The following MTUS2 variants were observed in gnomAD, a reference collection of about 807,000 sequenced individuals.
MTUS2 encodes the protein microtubule-associated tumor suppressor candidate 2.
MTUS2 carries 40 observed loss-of-function variants against 114.1 expected under a neutral mutation model. The ratio of observed to expected loss-of-function variants is 0.35; its 90% CI spans 0.27 to 0.46. MTUS2 has a LOEUF of 0.46. Among genes scored for constraint, MTUS2 ranks in the 20% least tolerant of loss-of-function variants. MTUS2 has a pLI of 1.00. For synonymous variants in MTUS2, 688 were observed against 672.0 expected (o/e 1.02, Z -0.37); for missense variants, 1,679 against 1,705.4 (o/e 0.98, Z 0.27).
intron 2 of MTUS2, among the ~76,000 whole-genome samples, chr13:28,952,533 T>G (rs921923184): frequency 3.9e-5 from 6 of 152,216 alleles, no homozygotes; most frequent in Non-Finnish European, 8.8e-5. Context: ...TCGTTTTCCC[T>G]TACTTTCTCT....
chr13:29,344,777 G>A (rs1868504590), intron 7 of MTUS2, among the ~76,000 whole-genome samples: 1 of 152,066 alleles, frequency 6.6e-6, no homozygotes, highest in African/African-American at 2.4e-5. Context: ...ATGCTTTAAG[G>A]TGGTTCTATT....
chr13:29,495,914 A>G (rs9551689), intron 12 of MTUS2, among the ~76,000 whole-genome samples: 180 of 148,420 alleles, frequency 1.2e-3, no homozygotes, highest in Non-Finnish European at 2.1e-3. Flanking sequence ...CTCTCTTTAT[A>G]TGTGTGTGTG....
At chr13:29,023,025 A>C (rs991654152) in intron 2 of MTUS2, among the ~76,000 whole-genome samples, 3 of 152,228 alleles carry the variant, frequency 2.0e-5, no homozygotes, top group Non-Finnish European at 4.4e-5. Flanking sequence ...AAGTGAAAAT[A>C]CAGGATACTA....
At chr13:28,932,247 C>T (rs536044774) in intron 2 of MTUS2, among the ~76,000 whole-genome samples, 1 of 152,232 alleles carries the variant, frequency 6.6e-6, no homozygotes, top group South Asian at 2.1e-4. Context: ...TAGTTAAATA[C>T]CTTATGACCC....
chr13:29,429,386 G>A (rs1401334078), intron 8 of MTUS2, among the ~76,000 whole-genome samples: 1 of 152,202 alleles, frequency 6.6e-6, no homozygotes, highest in East Asian at 1.9e-4. Context: ...AAAGCACACA[G>A]TATAGTTGTT....
At chr13:29,287,616 A>G (rs1428144238) in intron 6 of MTUS2, among the ~76,000 whole-genome samples, 7 of 152,158 alleles carry the variant, frequency 4.6e-5, no homozygotes, top group Non-Finnish European at 7.3e-5. Context: ...CCTTCTTATG[A>G]TGAGCTATCC....
chr13:29,202,916 G>A (rs1392980700), intron 5 of MTUS2, among the ~76,000 whole-genome samples: 1 of 152,148 alleles, frequency 6.6e-6, no homozygotes, highest in South Asian at 2.1e-4. Context: ...GATGCCAGCC[G>A]GAGCTCTCCT....
At position 29,457,670 on chromosome 13, in the gene MTUS2, G is replaced by T. The variant is rs991837707; in HGVS notation, c.3184+17621G>T. Among the ~76,000 whole-genome samples the T allele has an allele frequency of 7.0e-4, 106 of 152,128 alleles. 1 individual carries two copies. The highest frequency in any genetic ancestry group is 2.4e-3 in the African/African-American group (100 of 41,498). On this transcript the variant is annotated intron_variant, in intron 9 of 15. Coordinates refer to ENST00000612955, the MANE Select transcript of MTUS2 (RefSeq NM_001033602.4). ...TCTCTCAGGTAAATCCCTACATATAGAATTGCTGGTCATAGGTTAGATGTG... is the reference window on the plus strand; with the variant it reads ...TCTCTCAGGTAAATCCCTACATATATAATTGCTGGTCATAGGTTAGATGTG...
At chr13:29,477,998 T>C (rs890385266) in intron 9 of MTUS2, among the ~76,000 whole-genome samples, 5 of 152,218 alleles carry the variant, frequency 3.3e-5, no homozygotes, top group Non-Finnish European at 7.3e-5. Flanking sequence ...TCTGTAATAT[T>C]CCTGCCAAAC....
chr13:29,501,173 A>G lies in MTUS2; in HGVS notation c.3875A>G (p.Asp1292Gly), dbSNP rs1442901459. ...AACGAAGACCTCAAAGCAAGGATTGACCAAAACACAGTTGTCACCAGGTAG... is the reference window on the plus strand; with the variant it reads ...AACGAAGACCTCAAAGCAAGGATTGGCCAAAACACAGTTGTCACCAGGTAG... ...QQNEDLKARI[D>G]QNTVVTRQLS... The change falls in exon 15 of 16, where the codon GAC becomes GGC. Residue 1292 changes from aspartate to glycine, a missense_variant. Coordinates refer to ENST00000612955, the MANE Select transcript of MTUS2 (RefSeq NM_001033602.4). 1 of 1,614,154 alleles carries G rather than the reference A, an allele frequency of 6.2e-7. No individual in the cohort carries two copies. The highest frequency in any genetic ancestry group is 1.7e-5 in the Admixed American group (1 of 60,034).
At chr13:29,289,849 C>T (rs535683212) in intron 6 of MTUS2, among the ~76,000 whole-genome samples, 2 of 152,248 alleles carry the variant, frequency 1.3e-5, no homozygotes, top group African/African-American at 4.8e-5. Flanking sequence ...AGACCCCTTC[C>T]AGTCTCTCAT....
chr13:28,943,887 T>G (rs1278346812), intron 2 of MTUS2, among the ~76,000 whole-genome samples: 1 of 152,166 alleles, frequency 6.6e-6, no homozygotes, highest in African/African-American at 2.4e-5. Flanking sequence ...ATCCATTACT[T>G]GCTTACCTCT....
intron 8 of MTUS2, among the ~76,000 whole-genome samples, chr13:29,372,967 T>G (rs1046736096): frequency 3.3e-5 from 5 of 152,198 alleles, no homozygotes; most frequent in African/African-American, 7.2e-5. Context: ...GTGGGCAGAT[T>G]AGAAAGAAGA....
intron 6 of MTUS2, among the ~76,000 whole-genome samples, chr13:29,304,313 C>T (rs1899340046): frequency 6.6e-6 from 1 of 152,136 alleles, no homozygotes; most frequent in Non-Finnish European, 1.5e-5. Context: ...TGTAAACATG[C>T]TAACTGCCCT....
At chr13:29,484,318 C>T (rs1052946864) in intron 10 of MTUS2, 3 of 152,302 alleles carry the variant, frequency 2.0e-5, no homozygotes, top group Non-Finnish European at 2.9e-5. Context: ...TCCTGCAGAG[C>T]AGGCTCATAG....
chr13:28,956,208 C>T (rs1348182757), intron 2 of MTUS2, among the ~76,000 whole-genome samples: 1 of 152,052 alleles, frequency 6.6e-6, no homozygotes, highest in Non-Finnish European at 1.5e-5. Flanking sequence ...AGTCTCTAAT[C>T]TCATAGACAT....
At chr13:28,821,428 G>A (rs1395134933) in intron 1 of MTUS2, among the ~76,000 whole-genome samples, 1 of 152,138 alleles carries the variant, frequency 6.6e-6, no homozygotes, top group East Asian at 1.9e-4. Flanking sequence ...TCAAACTATT[G>A]AATGATTTTA....
chr13:29,264,010 T>G (rs1897574882), intron 5 of MTUS2, among the ~76,000 whole-genome samples: 1 of 152,242 alleles, frequency 6.6e-6, no homozygotes, highest in African/African-American at 2.4e-5. Flanking sequence ...AAGGCTCATC[T>G]GAGACAAGGC....
chr13:28,826,342 C>T (rs1426528355), intron 1 of MTUS2, among the ~76,000 whole-genome samples: 3 of 152,062 alleles, frequency 2.0e-5, no homozygotes, highest in African/African-American at 7.2e-5. Flanking sequence ...TATTATCAGA[C>T]TAGATAGAAG....
Sources: gnomAD v4.1 joint callset for allele counts (sites outside exome capture counted in the v4.1 genomes callset) on GRCh38, gnomAD v4.1.1 for gene constraint, MANE v1.5 for transcripts, NCBI Gene and HGNC (gene_info 2026-07-23, HGNC 2026-07-21) for gene names.